BRCC3: variants seen among roughly 807,000 people sequenced by gnomAD.
BRCC3 encodes the protein lys-63-specific deubiquitinase BRCC36.
In BRCC3, 15 loss-of-function variants were observed where a neutral mutation model predicts 28.0. The observed-to-expected ratio is 0.54, with a 90% CI of 0.36 to 0.82. The LOEUF (loss-of-function observed/expected upper bound fraction) is 0.82, where lower values mean the gene tolerates loss of function less well. BRCC3 is among the 40% of genes least tolerant of loss of function. BRCC3 has a pLI of 0.01. For synonymous variants in BRCC3, 66 were observed against 80.3 expected (o/e 0.82, Z 0.95); for missense variants, 109 against 225.9 (o/e 0.48, Z 3.32).
intron 5 of BRCC3, chrX:155,078,923 A>G (rs1041431168): frequency 5.9e-6 from 2 of 341,521 alleles, no homozygotes; most frequent in Non-Finnish European, 1.0e-5. Flanking sequence ...TAAACTGTTA[A>G]CTGAAAATTG....
At chrX:155,103,601 C>T (rs2074260068) in intron 7 of BRCC3, among the ~76,000 whole-genome samples, 2 of 111,979 alleles carry the variant, frequency 1.8e-5, no homozygotes, top group Non-Finnish European at 3.8e-5. Context: ...TGGCTTTAAA[C>T]CATTTGAGTA....
chrX:155,078,783 T>G, intron 5 of BRCC3, 80 bp downstream of exon 5: 1 of 658,383 alleles, frequency 1.5e-6, no homozygotes, highest in Non-Finnish European at 2.3e-6. Flanking sequence ...AGGGTATGGT[T>G]ATTTTAAACC....
rs2074390989 is a variant in BRCC3, at chrX:155,122,056, G to C, written c.*852G>C. ...GCAGGAGGATCACTTGAGCCCAGGAGTTTGAGGCTGCGGTGAGCTGTGATC... is the reference window on the plus strand; with the variant it reads ...GCAGGAGGATCACTTGAGCCCAGGACTTTGAGGCTGCGGTGAGCTGTGATC... On this transcript the variant is annotated 3_prime_UTR_variant, in exon 11 of 11. Coordinates refer to ENST00000330045, the MANE Select transcript of BRCC3 (RefSeq NM_001018055.3). 1 of 108,827 alleles carries C rather than the reference G, an allele frequency of 9.2e-6. No homozygotes were observed. The highest frequency in any genetic ancestry group is 1.9e-5 in the Non-Finnish European group (1 of 52,441). 9.0% of individuals were successfully genotyped at this position (108,827 alleles called of 1,213,427 possible). A position where few individuals can be genotyped will look rare whatever the true frequency, so the allele number is the denominator to read the frequency against.
chrX:155,110,153 T>C (rs1372805446), intron 7 of BRCC3, among the ~76,000 whole-genome samples: 1 of 112,002 alleles, frequency 8.9e-6, no homozygotes, highest in African/African-American at 3.2e-5. Flanking sequence ...ATAAATAAGA[T>C]TGATCCATAA....
chrX:155,075,261 C>G (rs1569560400), intron 3 of BRCC3, among the ~76,000 whole-genome samples: 3 of 52,927 alleles, frequency 5.7e-5, no homozygotes, highest in Admixed American at 2.0e-4. Flanking sequence ...CTTGTCCCTT[C>G]AACATCTGAT....
rs35621321 is a variant in BRCC3 at position 155,113,119 on chromosome X, C to CTT, written c.549-2912_549-2911dup. ...TGTAAACATCCCAATGGCTTGCTTG[C>CTT]TTTTTTTTTTTTTTTTTTTTTTTTT... is the stretch of plus-strand genomic sequence containing the variant. On this transcript the variant is annotated intron_variant, in intron 7 of 10. Coordinates refer to ENST00000330045, the MANE Select transcript of BRCC3 (RefSeq NM_001018055.3). 3.2e-4 allele frequency among the ~76,000 whole-genome samples: 10 copies of CTT among 30,834 alleles called. 1 individual carries two copies. Among genetic ancestry groups the CTT allele is most frequent in the Non-Finnish European group, 3.6e-4 (7 of 19,201 alleles). The allele number at this position is 30,834 out of a possible 115,157, so 26.8% of individuals were successfully genotyped here. A position where few individuals can be genotyped will look rare whatever the true frequency, so the allele number is the denominator to read the frequency against.
intron 7 of BRCC3, among the ~76,000 whole-genome samples, chrX:155,110,904 A>G (rs781936035): frequency 1.8e-5 from 2 of 111,020 alleles, no homozygotes; most frequent in Middle Eastern, 4.6e-3. Flanking sequence ...AACTCAAAAT[A>G]CCACAGAAGT....
chrX:155,090,652 G>A, intron 6 of BRCC3, 132 bp from the exon 7 acceptor site: 2 of 497,763 alleles, frequency 4.0e-6, no homozygotes, highest in Non-Finnish European at 6.9e-6. Flanking sequence ...CCTTTTTATA[G>A]AAATTAATTT....
intron 7 of BRCC3, among the ~76,000 whole-genome samples, chrX:155,094,960 G>A (rs1295511515): frequency 8.9e-6 from 1 of 112,362 alleles, no homozygotes; most frequent in Non-Finnish European, 1.9e-5. Context: ...ACCCATGTAG[G>A]AATTGTGTGA....
At chrX:155,083,374 C>G (rs1021324831) in intron 5 of BRCC3, among the ~76,000 whole-genome samples, 1 of 112,073 alleles carries the variant, frequency 8.9e-6, no homozygotes, top group Admixed American at 9.4e-5. Context: ...TTGCTTCCCA[C>G]TTTAATAGAG....
At chrX:155,077,652 T>C (rs1265940933) in intron 4 of BRCC3, among the ~76,000 whole-genome samples, 3 of 111,575 alleles carry the variant, frequency 2.7e-5, no homozygotes, top group African/African-American at 9.8e-5. Flanking sequence ...TTGGTCTCTA[T>C]CCTCTTGAGA....
Position 155,076,216 on chromosome X carries a change from C to T in BRCC3, c.196-954C>T, listed in dbSNP as rs188639383. Among the ~76,000 whole-genome samples, 48 of 110,358 alleles carry T rather than the reference C, an allele frequency of 4.3e-4. No homozygotes were observed. The East Asian group carries it at 0.012, about 29-fold the overall frequency. On this transcript the variant is annotated intron_variant, in intron 3 of 10. Coordinates refer to ENST00000330045, the MANE Select transcript of BRCC3 (RefSeq NM_001018055.3). ...GTCAGGAGTTTGAGACCAGCCTAGC[C>T]AATATGGCTACCAAAAAATACAAAA...
At chrX:155,115,797 G>T (rs1339496910) in intron 7 of BRCC3, among the ~76,000 whole-genome samples, 1 of 112,045 alleles carries the variant, frequency 8.9e-6, no homozygotes, top group Non-Finnish European at 1.9e-5. Flanking sequence ...AGCTCTCAAG[G>T]CTTCTCTTAA....
At chrX:155,085,118 C>T (rs1230178239) in intron 5 of BRCC3, among the ~76,000 whole-genome samples, 7 of 112,529 alleles carry the variant, frequency 6.2e-5, no homozygotes, top group East Asian at 5.6e-4. Flanking sequence ...ATTTTCACCA[C>T]GTAGCTCCTA....
intron 7 of BRCC3, among the ~76,000 whole-genome samples, chrX:155,104,358 C>T (rs1360780454): frequency 1.8e-5 from 2 of 112,171 alleles, no homozygotes; most frequent in East Asian, 5.6e-4. Context: ...ATTCCTATCC[C>T]TTTGGATCTT....
chrX:155,096,204 A>G (rs1286285499), intron 7 of BRCC3, among the ~76,000 whole-genome samples: 12 of 112,399 alleles, frequency 1.1e-4, no homozygotes, highest in African/African-American at 3.9e-4. Flanking sequence ...AGTATCCAGA[A>G]TAGCTAAATC....
chrX:155,109,768 TTC>T (rs1211272359), intron 7 of BRCC3, among the ~76,000 whole-genome samples: 3 of 111,872 alleles, frequency 2.7e-5, no homozygotes, highest in African/African-American at 9.7e-5. Flanking sequence ...ACCTTTTTAT[TTC>T]TCTTTCATGC....
intron 7 of BRCC3, among the ~76,000 whole-genome samples, chrX:155,100,567 A>G (rs1557296757): frequency 1.8e-5 from 2 of 112,428 alleles, no homozygotes; most frequent in Admixed American, 9.4e-5. Context: ...TATCATGATT[A>G]GATGTAGATT....
At chrX:155,120,590 G>A (rs1214744546) in intron 10 of BRCC3, among the ~76,000 whole-genome samples, 3 of 111,371 alleles carry the variant, frequency 2.7e-5, no homozygotes, top group African/African-American at 6.5e-5. Flanking sequence ...TCTAGTGTGA[G>A]TGGAAGGAAG....
Sources: gnomAD v4.1 joint callset for allele counts (sites outside exome capture counted in the v4.1 genomes callset) on GRCh38, gnomAD v4.1.1 for gene constraint, MANE v1.5 for transcripts, NCBI Gene and HGNC (gene_info 2026-07-23, HGNC 2026-07-21) for gene names.